Variants in BLK observed in about 807,000 individuals in gnomAD.
The protein encoded by BLK is BLK proto-oncogene, Src family tyrosine kinase.
In BLK, 64 loss-of-function variants were observed where a neutral mutation model predicts 61.8. That is an observed-to-expected ratio of 1.03 (90% CI 0.85 to 1.27). BLK has a LOEUF of 1.27. Among genes scored for constraint, BLK ranks in the 50% most tolerant of loss-of-function variants. The probability of loss-of-function intolerance (pLI) is 0.00; values close to 1 mark genes in which losing one functional copy is unlikely to be tolerated. For missense variants in BLK, 853 were observed against 660.5 expected, an observed-to-expected ratio of 1.29 and a Z score of -3.19; for synonymous variants, 351 against 272.0, an observed-to-expected ratio of 1.29 and a Z score of -2.86.
chr8:11,562,844 G>A, intron 11 of BLK, 135 bp from the exon 12 acceptor site: 2 of 1,216,676 alleles, frequency 1.6e-6, no homozygotes, highest in Non-Finnish European at 2.3e-6. Context: ...CCCCCGCCAT[G>A]CCTGGCCGCC....
At chr8:11,561,084 G>A in intron 10 of BLK, 1 of 706,520 alleles carries the variant, frequency 1.4e-6, no homozygotes, top group Non-Finnish European at 2.6e-6. Context: ...GGCACAGGTA[G>A]CCCCTGTGTC....
At chr8:11,546,206 GGAGAA>G (rs1346636312) in intron 3 of BLK, 103 bp downstream of exon 3, 21 of 1,395,870 alleles carry the variant, frequency 1.5e-5, no homozygotes, top group African/African-American at 5.7e-5. Context: ...CTTGAGGGCT[GGAGAA>G]GAGAAAACGG....
At position 11,561,398 on chromosome 8, in the gene BLK, A is replaced by G. The variant is rs778868587; in HGVS notation, c.1126A>G (p.Ile376Val). Reference protein sequence around the residue: ...ILVSEALCCKIADFGLARIID... With the variant: ...ILVSEALCCKVADFGLARIID... ...GGTGTCTGAGGCCTTGTGCTGCAAA[A>G]TTGCTGATTTTGGCTTGGCTCGAAT... The change falls in exon 11 of 13, where the codon ATT becomes GTT. Residue 376 changes from isoleucine to valine, a missense_variant. Physicochemically the swap from Ile to Val is conservative, Grantham distance 29 (BLOSUM62 3). Transcript: ENST00000259089. 6.2e-7 allele frequency: 1 copy of G among 1,613,972 alleles called. No individual in the cohort carries two copies. Among genetic ancestry groups the G allele is most frequent in the African/African-American group, 1.3e-5 (1 of 74,906 alleles).
At chr8:11,535,905 G>A (rs1337141610) in intron 1 of BLK, among the ~76,000 whole-genome samples, 1 of 152,334 alleles carries the variant, frequency 6.6e-6, no homozygotes, top group East Asian at 1.9e-4. Flanking sequence ...ATCCAAAATG[G>A]AGAACATTCT....
chr8:11,545,919 C>T, intron 2 of BLK, 133 bp from the exon 3 acceptor site: 3 of 933,918 alleles, frequency 3.2e-6, no homozygotes, highest in South Asian at 1.3e-5. Flanking sequence ...GAGCAGCCCC[C>T]ACAGGCAGCT....
chr8:11,561,747 C>T (rs1249136177), intron 11 of BLK, among the ~76,000 whole-genome samples: 2 of 152,148 alleles, frequency 1.3e-5, no homozygotes. Flanking sequence ...ATTAAAGGCA[C>T]TGAGAAGTCC....
In BLK at chr8:11,550,161, G is replaced by T. The variant is rs546054120; in HGVS notation, c.371G>T (p.Trp124Leu). The T allele has an allele frequency of 1.9e-6, 3 of 1,614,066 alleles. No individual in the cohort carries two copies. The highest frequency in any genetic ancestry group is 1.7e-5 in the Admixed American group (1 of 60,032). ...ARVESLEMER[W>L]FFRSQGRKEA... ...CACCTGTTCCTGCCGTTTTCCAGGT[G>T]GTTCTTTAGATCACAGGGTCGGAAG... Residue 124 changes from tryptophan to leucine, a missense_variant and splice_region_variant, in exon 6 of 13, where the codon TGG becomes TTG. Transcript: ENST00000259089.
At chr8:11,515,449 G>A (rs1459207702) in intron 1 of BLK, among the ~76,000 whole-genome samples, 1 of 152,114 alleles carries the variant, frequency 6.6e-6, no homozygotes, top group African/African-American at 2.4e-5. Flanking sequence ...CTGGGGGAGT[G>A]TCTGGGACGA....
intron 9 of BLK, among the ~76,000 whole-genome samples, chr8:11,557,539 T>C (rs1237476865): frequency 6.6e-6 from 1 of 152,160 alleles, no homozygotes. Flanking sequence ...GTTCTCTCCA[T>C]TCTGGTGCTT....
At chr8:11,559,684 C>T (rs1585420128) in intron 10 of BLK, 3 of 452,472 alleles carry the variant, frequency 6.6e-6, no homozygotes, top group East Asian at 1.4e-4. Context: ...AATCACAATC[C>T]CTCGGGCCCC....
chr8:11,509,067 C>G (rs1357488618), intron 1 of BLK: 1 of 152,218 alleles, frequency 6.6e-6, no homozygotes, highest in Non-Finnish European at 1.5e-5. Flanking sequence ...GGAGGCATCA[C>G]AACAATGACT....
chr8:11,506,176 G>A (rs916741694), intron 1 of BLK, among the ~76,000 whole-genome samples: 17 of 152,226 alleles, frequency 1.1e-4, no homozygotes, highest in Non-Finnish European at 2.1e-4. Flanking sequence ...TGGCTCTGGA[G>A]CTGTCTCTTT....
intron 4 of BLK, 92 bp downstream of exon 4, chr8:11,548,217 C>A: frequency 2.6e-6 from 3 of 1,151,720 alleles, no homozygotes; most frequent in Non-Finnish European, 3.9e-6. Context: ...CATGGCTGAC[C>A]CTGGAAGTCT....
chr8:11,556,957 G>A (rs1431085250), intron 9 of BLK, 120 bp downstream of exon 9: 1 of 1,040,958 alleles, frequency 9.6e-7, no homozygotes, highest in Non-Finnish European at 1.4e-6. Context: ...TCTAGGGCAT[G>A]GCACGGTGTG....
intron 4 of BLK, 100 bp from the exon 5 acceptor site, chr8:11,548,924 T>G: frequency 9.3e-7 from 1 of 1,075,838 alleles, no homozygotes. Context: ...GCGGATTCTC[T>G]GCCCTCCAGG....
chr8:11,499,044 T>G (rs148462701), intron 1 of BLK, among the ~76,000 whole-genome samples: 1 of 152,208 alleles, frequency 6.6e-6, no homozygotes, highest in Non-Finnish European at 1.5e-5. Flanking sequence ...GTAAATTTAG[T>G]AAGATTGAGA....
intron 6 of BLK, among the ~76,000 whole-genome samples, chr8:11,551,244 C>G (rs1044785005): frequency 6.6e-6 from 1 of 152,180 alleles, no homozygotes; most frequent in Non-Finnish European, 1.5e-5. Flanking sequence ...TGGCTTCCAC[C>G]ACAGAAGCTT....
At chr8:11,550,667 CAT>C (rs1363344372) in intron 6 of BLK, among the ~76,000 whole-genome samples, 1 of 152,222 alleles carries the variant, frequency 6.6e-6, no homozygotes, top group Non-Finnish European at 1.5e-5. Context: ...CTGCAGGTAG[CAT>C]ATGTTAGGAA....
intron 1 of BLK, among the ~76,000 whole-genome samples, chr8:11,537,969 C>T (rs569998696): frequency 6.1e-4 from 93 of 152,152 alleles, no homozygotes; most frequent in Middle Eastern, 3.4e-3. Flanking sequence ...CAAACAACTC[C>T]CCTTTCCCAC....
Sources: allele counts gnomAD v4.1 joint callset (sites outside exome capture counted in the v4.1 genomes callset), GRCh38; gene constraint gnomAD v4.1.1; transcripts MANE v1.5; gene names NCBI Gene and HGNC (gene_info 2026-07-23, HGNC 2026-07-21).